The following RBM12B variants were observed in gnomAD, a reference collection of about 807,000 sequenced individuals.
The protein encoded by RBM12B is RNA-binding protein 12B.
A neutral mutation model predicts 34.3 loss-of-function variants in RBM12B; 10 were observed. The ratio of observed to expected loss-of-function variants is 0.29; its 90% CI spans 0.18 to 0.49. The LOEUF (loss-of-function observed/expected upper bound fraction) is 0.49, where lower values mean the gene tolerates loss of function less well. Among genes scored for constraint, RBM12B ranks in the 20% least tolerant of loss-of-function variants. The pLI, the probability that RBM12B is intolerant of heterozygous loss-of-function variation, is 0.99. For synonymous variants in RBM12B, 477 were observed against 437.1 expected (o/e 1.09, Z -1.14); for missense variants, 1,139 against 1,262.7 (o/e 0.90, Z 1.48).
rs1207193599 is a variant in RBM12B, at chr8:93,732,808, G to C, written c.*597C>G. On this transcript the variant is annotated 3_prime_UTR_variant, in exon 4 of 4. Transcript: ENST00000520560. ...TAAGTTGCAATTTTATTTTTATAAAGCTTTGTAAAGTTATGAACATGGAAA... is the reference window on the plus strand; with the variant it reads ...TAAGTTGCAATTTTATTTTTATAAACCTTTGTAAAGTTATGAACATGGAAA... 2 of 152,086 alleles carry C rather than the reference G, an allele frequency of 1.3e-5. No individual in the cohort carries two copies. Among genetic ancestry groups the C allele is most frequent in the Admixed American group, 6.5e-5 (1 of 15,280 alleles). 9.4% of individuals were successfully genotyped at this position (152,086 alleles called of 1,614,324 possible).
At position 93,734,137 on chromosome 8, in the gene RBM12B, T is replaced by TGGCCGCCGGAAGTGCTCTGGGGGA. The variant is rs368574164; in HGVS notation, c.2250_2273dup (p.Pro776_Pro783dup). 3 of 1,554,390 alleles carry TGGCCGCCGGAAGTGCTCTGGGGGA rather than the reference T, an allele frequency of 1.9e-6. No homozygotes were observed. The highest frequency in any genetic ancestry group is 1.9e-5 in the Admixed American group (1 of 52,206). On this transcript the variant is annotated inframe_insertion, in exon 4 of 4. Coordinates refer to ENST00000520560, the MANE Select transcript of RBM12B (RefSeq NM_001377960.1). Reference sequence around the variant, plus strand: ...GTGGCCGCCTGAAGTGCTCTGGGGGTGGCCGCCGGAAGTGCTCTGGGGGAG... The same window carrying TGGCCGCCGGAAGTGCTCTGGGGGA: ...GTGGCCGCCTGAAGTGCTCTGGGGGTGGCCGCCGGAAGTGCTCTGGGGGAGGCCGCCGGAAGTGCTCTGGGGGAG...
Position 93,733,881 on chromosome 8 carries a change from T to G in RBM12B, c.2530A>C (p.Arg844=). 1 of 1,613,930 alleles carries G rather than the reference T, an allele frequency of 6.2e-7. No homozygotes were observed. Among genetic ancestry groups the G allele is most frequent in the Non-Finnish European group, 8.5e-7 (1 of 1,179,950 alleles). ...DFRCPSDEDF[R]QLPEEDLREA... The stretch of plus-strand genomic sequence containing the variant: ...CTAAGGTCTTCCTCTGGGAGCTGCC[T>G]GAAGTCCTCATCAGAAGGGCATCTA... Residue 844 remains arginine, a synonymous_variant, in exon 4 of 4, where the codon AGG becomes CGG. Transcript: ENST00000520560.
rs1368096421 is a variant in RBM12B, at chr8:93,737,833, C to CTTCAATCA, written c.-77-486_-77-479dup. Among the ~76,000 whole-genome samples the CTTCAATCA allele has an allele frequency of 2.2e-5, 3 of 138,654 alleles. No homozygotes were observed. In the East Asian group the frequency reaches 6.4e-4, roughly 29 times the overall value. The allele number at this position is 138,654 out of a possible 152,430, so 91.0% of individuals were successfully genotyped here. On this transcript the variant is annotated intron_variant, in intron 2 of 3. Transcript: ENST00000520560. ...AAAAAAAAAAAAAAAAAAAAAAGAA[C>CTTCAATCA]TTCAATCATTTTGCCACATGAAAAT...
chr8:93,736,173 G>C lies in RBM12B; in HGVS notation c.238C>G (p.Gln80Glu). ...ELFLSSKAEM[Q>E]KTIEMKRTDR... ...GTTCTTTTCATTTCTATAGTCTTCT[G>C]CATTTCTGCCTTGCTACTAAGAAAG... The change falls in exon 4 of 4, where the codon CAG becomes GAG. Residue 80 changes from glutamine (Q) to glutamate (E), a missense_variant. Physicochemically the swap from Gln to Glu is conservative, Grantham distance 29. Coordinates refer to ENST00000520560, the MANE Select transcript of RBM12B (RefSeq NM_001377960.1). The C allele has an allele frequency of 6.2e-7, 1 of 1,614,090 alleles. No homozygotes were observed. Among genetic ancestry groups the C allele is most frequent in the Non-Finnish European group, 8.5e-7 (1 of 1,180,022 alleles).
intron 2 of RBM12B, among the ~76,000 whole-genome samples, chr8:93,739,528 T>A (rs1307533485): frequency 6.6e-6 from 1 of 152,208 alleles, no homozygotes; most frequent in Non-Finnish European, 1.5e-5. Context: ...AGACCAACTG[T>A]AAGAGACCAG....
At chr8:93,740,032 T>G in intron 2 of RBM12B, 1 of 297,746 alleles carries the variant, frequency 3.4e-6, no homozygotes, top group East Asian at 9.2e-5. Context: ...GGGAGAGAAT[T>G]TTTTTTAACT....
Position 93,735,356 on chromosome 8 carries a change from G to GGA in RBM12B, c.1053_1054dup (p.Pro352LeufsTer14). On this transcript the variant is annotated frameshift_variant, in exon 4 of 4. Transcript: ENST00000520560. LOFTEE classifies it low-confidence loss of function (END_TRUNC). ...TCTAGAAATTGGATCAATATGAACTGGACGATATTGTAAAACAGTCTTATG... is the reference window on the plus strand; with the variant it reads ...TCTAGAAATTGGATCAATATGAACTGGAGACGATATTGTAAAACAGTCTTATG... The GGA allele has an allele frequency of 6.2e-7, 1 of 1,613,798 alleles. No individual in the cohort carries two copies. The highest frequency in any genetic ancestry group is 8.5e-7 in the Non-Finnish European group (1 of 1,179,934).
intron 2 of RBM12B, chr8:93,739,984 T>G (rs527315055): frequency 3.3e-6 from 1 of 302,864 alleles, no homozygotes; most frequent in Non-Finnish European, 6.5e-6. Flanking sequence ...ATTTGATTTT[T>G]AACTAGCGAA....
Position 93,728,451 on chromosome 8 carries a change from G to A in RBM12B, c.*4954C>T. ...GAAACTTATGCTGACCAAAAATGAA[G>A]GCTTTAAAAAATATTGCATACCAGT... On this transcript the variant is annotated 3_prime_UTR_variant, in exon 4 of 4. Transcript: ENST00000520560. The A allele has an allele frequency of 5.9e-6, 3 of 505,896 alleles. No homozygotes were observed. The highest frequency in any genetic ancestry group is 7.3e-5 in the South Asian group (2 of 27,344). 31.3% of individuals were successfully genotyped at this position (505,896 alleles called of 1,614,324 possible).
In RBM12B at chr8:93,740,898, A is replaced by G; in HGVS notation, c.-163T>C. 1 of 261,912 alleles carries G rather than the reference A, an allele frequency of 3.8e-6. No homozygotes were observed. Among genetic ancestry groups the G allele is most frequent in the Non-Finnish European group, 7.6e-6 (1 of 131,506 alleles). The allele number at this position is 261,912 out of a possible 1,614,324, so 16.2% of individuals were successfully genotyped here. A position where few individuals can be genotyped will look rare whatever the true frequency, so the allele number is the denominator to read the frequency against. On this transcript the variant is annotated 5_prime_UTR_variant, in exon 1 of 4. Coordinates refer to ENST00000520560, the MANE Select transcript of RBM12B (RefSeq NM_001377960.1). ...ACACACACCACTGCTGCCGAGTCGG[A>G]CACACAAGGCCGGAGGCTGAGGGAA...
In RBM12B at chr8:93,733,933, G is replaced by GTCC; in HGVS notation, c.2475_2477dup (p.Glu825dup). The stretch of plus-strand genomic sequence containing the variant: ...AATCTTCCTCCTGGGGGCTCCTGAA[G>GTCC]TCCTCATCAGGAGGGTGCCTAAAGT... On this transcript the variant is annotated inframe_insertion, in exon 4 of 4. Transcript: ENST00000520560. 6.2e-7 allele frequency: 1 copy of GTCC among 1,613,516 alleles called. No homozygotes were observed. The highest frequency in any genetic ancestry group is 8.5e-7 in the Non-Finnish European group (1 of 1,179,824).
rs1811682599 is a variant in RBM12B, at chr8:93,729,067, A to C, written c.*4338T>G. Reference sequence around the variant, plus strand: ...AATAAAAGGGTATACAGTCACTTTTATTTCTGAAAATATAAAACATTGAGC... The same window carrying C: ...AATAAAAGGGTATACAGTCACTTTTCTTTCTGAAAATATAAAACATTGAGC... On this transcript the variant is annotated 3_prime_UTR_variant, in exon 4 of 4. Coordinates refer to ENST00000520560, the MANE Select transcript of RBM12B (RefSeq NM_001377960.1). The C allele has an allele frequency of 6.6e-6, 1 of 152,108 alleles. No homozygotes were observed. Among genetic ancestry groups the C allele is most frequent in the South Asian group, 2.1e-4 (1 of 4,834 alleles). The allele number at this position is 152,108 out of a possible 1,614,324, so 9.4% of individuals were successfully genotyped here.
chr8:93,734,053 ATGCTCCTGGGGCGGTCTCCGGAAG>A lies in RBM12B; in HGVS notation c.2334_2357del (p.Pro790_Arg797del), dbSNP rs759355894. ...AATGCTCCTGAGGCGGCCGCCTGAA[ATGCTCCTGGGGCGGTCTCCGGAAG>A]TGCTCCGGGGGCGGGCGCCTGAAAT... On this transcript the variant is annotated inframe_deletion, in exon 4 of 4. Coordinates refer to ENST00000520560, the MANE Select transcript of RBM12B (RefSeq NM_001377960.1). The A allele has an allele frequency of 2.4e-5, 38 of 1,589,024 alleles. No individual in the cohort carries two copies. Among genetic ancestry groups the A allele is most frequent in the Non-Finnish European group, 2.9e-5 (34 of 1,170,784 alleles).
rs1811999050 is a variant in RBM12B, at chr8:93,735,705, A to G, written c.706T>C (p.Phe236Leu). Residue 236 changes from phenylalanine (F) to leucine (L), a missense_variant, in exon 4 of 4, where the codon TTT (phenylalanine) becomes CTT (leucine). Coordinates refer to ENST00000520560, the MANE Select transcript of RBM12B (RefSeq NM_001377960.1). ...MQGSEQQWIE[F>L]GGNAVKEGDV... Reference sequence around the variant, plus strand: ...CCCTCCTTAACTGCATTACCACCAAACTCAATCCACTGTTGTTCTGATCCT... The same window carrying G: ...CCCTCCTTAACTGCATTACCACCAAGCTCAATCCACTGTTGTTCTGATCCT... 1 of 1,613,946 alleles carries G rather than the reference A, an allele frequency of 6.2e-7. No homozygotes were observed. The highest frequency in any genetic ancestry group is 8.5e-7 in the Non-Finnish European group (1 of 1,180,008).
rs1215483324 is a variant in RBM12B, at chr8:93,728,288, T to C, written c.*5117A>G. 1 of 1,581,088 alleles carries C rather than the reference T, an allele frequency of 6.3e-7. No homozygotes were observed. Among genetic ancestry groups the C allele is most frequent in the Non-Finnish European group, 8.6e-7 (1 of 1,166,988 alleles). On this transcript the variant is annotated 3_prime_UTR_variant, in exon 4 of 4. Transcript: ENST00000520560. Reference sequence around the variant, plus strand: ...TAGATGTTACAGAAGAAGAAAATTTTCTTAAGTAAACTACACATTTCCATT... The same window carrying C: ...TAGATGTTACAGAAGAAGAAAATTTCCTTAAGTAAACTACACATTTCCATT...
rs761051839 is a variant in RBM12B at position 93,733,425 on chromosome 8, C to T, written c.2986G>A (p.Val996Ile). The change falls in exon 4 of 4, where the codon GTT (valine) becomes ATT (isoleucine). Residue 996 changes from valine to isoleucine, a missense_variant. Val to Ile is a conservative substitution (Grantham distance 29). Coordinates refer to ENST00000520560, the MANE Select transcript of RBM12B (RefSeq NM_001377960.1). ...LNDRPVGPRKVKLTLL is the reference protein window; with the variant it reads ...LNDRPVGPRKIKLTLL ...TCTCTCTACAGCAAAGTTAACTTAACTTTTCGGGGCCCAACTGGCCTATCA... is the reference window on the plus strand; with the variant it reads ...TCTCTCTACAGCAAAGTTAACTTAATTTTTCGGGGCCCAACTGGCCTATCA... 3.2e-6 allele frequency: 5 copies of T among 1,540,390 alleles called. No homozygotes were observed. The highest frequency in any genetic ancestry group is 4.4e-6 in the Non-Finnish European group (5 of 1,145,278).
Position 93,733,697 on chromosome 8 carries a change from C to G in RBM12B, c.2714G>C (p.Ser905Thr), listed in dbSNP as rs1384779582. 6.2e-7 allele frequency: 1 copy of G among 1,614,076 alleles called. No individual in the cohort carries two copies. The highest frequency in any genetic ancestry group is 1.6e-4 in the Middle Eastern group (1 of 6,062). The change falls in exon 4 of 4, where the codon AGT (serine) becomes ACT (threonine). Residue 905 changes from serine to threonine, a missense_variant. Physicochemically the swap from Ser to Thr is moderately conservative, Grantham distance 58. Around this residue, in one of 3 missense-constraint regions of RBM12B, gnomAD observed 863 missense variants for 869.5 expected, o/e 0.99. Transcript: ENST00000520560. ...KFDFGKHNMG[S>T]FPEGRFMPDP... The stretch of plus-strand genomic sequence containing the variant: ...AGGCATAAATCTCCCCTCAGGAAAA[C>G]TTCCCATATTATGCTTTCCAAAATC...
At position 93,733,802 on chromosome 8, in the gene RBM12B, T is replaced by C; in HGVS notation, c.2609A>G (p.Glu870Gly). The C allele has an allele frequency of 6.2e-7, 1 of 1,614,146 alleles. No individual in the cohort carries two copies. The highest frequency in any genetic ancestry group is 8.5e-7 in the Non-Finnish European group (1 of 1,180,006). ...ATCATCAGGCGGGCTCCTAAAATCC[T>C]CACCAGGAGGTCTAAAATTGTCAGG... ...RLPDNFRPPG[E>G]DFRSPPDDFR... The change falls in exon 4 of 4, where the codon GAG (glutamate) becomes GGG (glycine). Residue 870 changes from glutamate to glycine, a missense_variant. Glu to Gly is a moderately conservative substitution (Grantham distance 98, BLOSUM62 -2). This residue lies in a region of RBM12B where 863 missense variants were observed against 869.5 expected (regional missense o/e 0.99). Transcript: ENST00000520560.
intron 2 of RBM12B, chr8:93,740,016 T>C (rs1199933417): frequency 1.0e-5 from 3 of 295,830 alleles, no homozygotes; most frequent in African/African-American, 4.4e-5. Context: ...TTTCCAGATA[T>C]GGTGAGGGAG....
Sources: allele counts gnomAD v4.1 joint callset (sites outside exome capture counted in the v4.1 genomes callset), GRCh38; gene constraint gnomAD v4.1.1; regional missense constraint gnomAD v4.1.1; transcripts MANE v1.5; gene names NCBI Gene and HGNC (gene_info 2026-07-23, HGNC 2026-07-21).